The following PIEZO2 variants were observed in gnomAD, a reference collection of about 807,000 sequenced individuals.
PIEZO2 encodes piezo type mechanosensitive ion channel component 2.
PIEZO2 carries 172 observed loss-of-function variants against 337.3 expected under a neutral mutation model. That is an observed-to-expected ratio of 0.51 (90% CI 0.45 to 0.58). PIEZO2 has a LOEUF of 0.58. Among genes scored for constraint, PIEZO2 ranks in the 20% least tolerant of loss-of-function variants. The probability of loss-of-function intolerance (pLI) is 0.00; values close to 1 mark genes in which losing one functional copy is unlikely to be tolerated. For missense variants in PIEZO2, 3,028 were observed against 3,391.3 expected (o/e 0.89, Z 2.66); for synonymous variants, 1,251 against 1,228.5 (o/e 1.02, Z -0.38).
chr18:11,075,170 C>T (rs969652493), intron 1 of PIEZO2, among the ~76,000 whole-genome samples: 1 of 152,166 alleles, frequency 6.6e-6, no homozygotes, highest in Non-Finnish European at 1.5e-5. Context: ...TTCTGTCGGT[C>T]CAGTAATTCT....
intron 7 of PIEZO2, among the ~76,000 whole-genome samples, chr18:10,811,213 G>A (rs1172735884): frequency 2.0e-5 from 3 of 152,050 alleles, no homozygotes; most frequent in Admixed American, 6.6e-5. Context: ...AGTCACCATC[G>A]CCGGGAAATG....
Position 10,847,363 on chromosome 18 carries a change from C to T in PIEZO2, c.917+7990G>A, listed in dbSNP as rs963856129. On this transcript the variant is annotated intron_variant, in intron 7 of 55. Transcript: ENST00000674853. This position sits in a 1 kb window ranked among gnomAD's most constrained non-coding sequence, Gnocchi z 5.7. ...TTCTCCATAAAAACTGAAAGGAAGACCGTGGAGATGCCCTTGGTGGGCAAA... is the reference window on the plus strand; with the variant it reads ...TTCTCCATAAAAACTGAAAGGAAGATCGTGGAGATGCCCTTGGTGGGCAAA... Among the ~76,000 whole-genome samples the T allele has an allele frequency of 6.6e-6, 1 of 152,190 alleles. No individual in the cohort carries two copies. The highest frequency in any genetic ancestry group is 2.4e-5 in the African/African-American group (1 of 41,446).
At chr18:11,012,651 G>T (rs1240352479) in intron 2 of PIEZO2, among the ~76,000 whole-genome samples, 1 of 152,090 alleles carries the variant, frequency 6.6e-6, no homozygotes, top group Non-Finnish European at 1.5e-5. Context: ...CAGAAACTAG[G>T]CAGCCATCCT....
Position 10,817,608 on chromosome 18 carries a change from G to C in PIEZO2, c.918-10334C>G, listed in dbSNP as rs574575722. Among the ~76,000 whole-genome samples, 26 of 152,236 alleles carry C rather than the reference G, an allele frequency of 1.7e-4. No homozygotes were observed. In the East Asian group the frequency reaches 3.7e-3, roughly 21 times the overall value. On this transcript the variant is annotated intron_variant, in intron 7 of 55. Coordinates refer to ENST00000674853, the MANE Select transcript of PIEZO2 (RefSeq NM_001378183.1). ...TGTTTCATGTTTTAAGATTGAACAAGACAGAAACATTCTTCAAAATAGTAG... is the reference window on the plus strand; with the variant it reads ...TGTTTCATGTTTTAAGATTGAACAACACAGAAACATTCTTCAAAATAGTAG...
At chr18:10,769,698 A>G (rs2038516811) in intron 21 of PIEZO2, 1 of 154,340 alleles carries the variant, frequency 6.5e-6, no homozygotes, top group Non-Finnish European at 1.4e-5. Flanking sequence ...GTACAGGTGC[A>G]TGGCTGAAGA....
At position 10,704,333 on chromosome 18, in the gene PIEZO2, G is replaced by C. The variant is rs938206806; in HGVS notation, c.6258+61C>G. Reference sequence around the variant, plus strand: ...CTCAAGAGAGGGCACAGGGACACAAGGTATGCTTCCCCTTGCATAGCCGCC... The same window carrying C: ...CTCAAGAGAGGGCACAGGGACACAACGTATGCTTCCCCTTGCATAGCCGCC... On this transcript the variant is annotated intron_variant, in intron 42 of 55. Transcript: ENST00000674853. The C allele has an allele frequency of 3.3e-6, 5 of 1,512,490 alleles. No homozygotes were observed. In the African/African-American group the frequency reaches 6.9e-5, roughly 21 times the overall value. The allele number at this position is 1,512,490 out of a possible 1,614,324, so 93.7% of individuals were successfully genotyped here.
chr18:10,907,197 C>T (rs1300735721), intron 4 of PIEZO2, among the ~76,000 whole-genome samples: 2 of 152,104 alleles, frequency 1.3e-5, no homozygotes, highest in East Asian at 1.9e-4. Context: ...AATCCCAGCA[C>T]TTAGGGAGGC....
intron 2 of PIEZO2, among the ~76,000 whole-genome samples, chr18:11,058,403 C>G (rs1280188688): frequency 6.6e-6 from 1 of 152,182 alleles, no homozygotes; most frequent in Non-Finnish European, 1.5e-5. Context: ...TCCTCACCAG[C>G]AATGGAACAA....
chr18:11,005,119 G>A (rs1017956975), intron 2 of PIEZO2, among the ~76,000 whole-genome samples: 3 of 152,214 alleles, frequency 2.0e-5, no homozygotes, highest in Non-Finnish European at 4.4e-5. Flanking sequence ...CAGCCAGTGT[G>A]CCAAATTCTG....
At chr18:10,842,736 A>G (rs2041235685) in intron 7 of PIEZO2, among the ~76,000 whole-genome samples, 1 of 152,272 alleles carries the variant, frequency 6.6e-6, no homozygotes, top group Admixed American at 6.5e-5. Context: ...GATTGTGATG[A>G]TGGTTTCAAT....
At chr18:10,949,246 T>C (rs1348840835) in intron 3 of PIEZO2, among the ~76,000 whole-genome samples, 1 of 152,226 alleles carries the variant, frequency 6.6e-6, no homozygotes, top group Non-Finnish European at 1.5e-5. Flanking sequence ...TCTAAATCAA[T>C]ACTAATGCAG....
Position 10,854,714 on chromosome 18 carries a change from T to G in PIEZO2, c.917+639A>C, listed in dbSNP as rs1392376951. The stretch of plus-strand genomic sequence containing the variant: ...TTATGTATTTTCTTATTTATTTGTT[T>G]GTTGGTTTGTTTGCTTTGAGACAGG... On this transcript the variant is annotated intron_variant, in intron 7 of 55. Transcript: ENST00000674853. The surrounding 1 kb of genome is among the most constrained non-coding windows in gnomAD (Gnocchi z 4.6). Among the ~76,000 whole-genome samples, 1 of 152,184 alleles carries G rather than the reference T, an allele frequency of 6.6e-6. No homozygotes were observed. Among genetic ancestry groups the G allele is most frequent in the Admixed American group, 6.5e-5 (1 of 15,270 alleles).
intron 16 of PIEZO2, among the ~76,000 whole-genome samples, chr18:10,785,699 C>T (rs1034825570): frequency 9.9e-5 from 15 of 152,066 alleles, no homozygotes; most frequent in African/African-American, 3.1e-4. Flanking sequence ...CCTAAAGCAC[C>T]TCTTGAATTG....
intron 20 of PIEZO2, among the ~76,000 whole-genome samples, chr18:10,772,785 T>A (rs1340292481): frequency 6.6e-6 from 1 of 152,180 alleles, no homozygotes; most frequent in Non-Finnish European, 1.5e-5. Flanking sequence ...CTGCTCAATG[T>A]TCATCATGCT....
In PIEZO2 at chr18:10,795,061, C is replaced by T. The variant is rs2039530909; in HGVS notation, c.1528-59G>A. The stretch of plus-strand genomic sequence containing the variant: ...TCAATACAATGCTCAGTCCCCCCCG[C>T]CCTGGTAAGGTAAAAACTATCTAAA... On this transcript the variant is annotated intron_variant, in intron 12 of 55. Coordinates refer to ENST00000674853, the MANE Select transcript of PIEZO2 (RefSeq NM_001378183.1). The surrounding 1 kb of genome is among the most constrained non-coding windows in gnomAD (Gnocchi z 4.4). 7.3e-7 allele frequency: 1 copy of T among 1,365,872 alleles called. No homozygotes were observed. Among genetic ancestry groups the T allele is most frequent in the South Asian group, 1.3e-5 (1 of 78,954 alleles). 84.6% of individuals were successfully genotyped at this position (1,365,872 alleles called of 1,614,324 possible). A position where few individuals can be genotyped will look rare whatever the true frequency, so the allele number is the denominator to read the frequency against.
At chr18:10,977,628 T>C (rs997335750) in intron 3 of PIEZO2, among the ~76,000 whole-genome samples, 3 of 152,164 alleles carry the variant, frequency 2.0e-5, no homozygotes, top group African/African-American at 7.2e-5. Context: ...ATAACCAAAG[T>C]ACCCTTATTT....
rs1555663232 is a variant in PIEZO2 at position 10,863,884 on chromosome 18, A to ACC, written c.493-6675_493-6674dup. Among the ~76,000 whole-genome samples the ACC allele has an allele frequency of 9.2e-5, 14 of 152,004 alleles. No homozygotes were observed. In the East Asian group the frequency reaches 2.7e-3, roughly 29 times the overall value. On this transcript the variant is annotated intron_variant, in intron 5 of 55. Transcript: ENST00000674853. This position sits in a 1 kb window ranked among gnomAD's most constrained non-coding sequence, Gnocchi z 4.3. ...CAAATCAGCAGTCACACACACACACACCTATATCATCCACTCAGTTCACAT... is the reference window on the plus strand; with the variant it reads ...CAAATCAGCAGTCACACACACACACACCCCTATATCATCCACTCAGTTCACAT...
At chr18:10,900,381 C>T (rs921215567) in intron 4 of PIEZO2, among the ~76,000 whole-genome samples, 2 of 152,156 alleles carry the variant, frequency 1.3e-5, no homozygotes, top group Admixed American at 6.5e-5. Context: ...CATGTAAAAG[C>T]TTCTTTCCTA....
chr18:10,747,765 A>G (rs2037483052), intron 30 of PIEZO2, among the ~76,000 whole-genome samples: 1 of 152,204 alleles, frequency 6.6e-6, no homozygotes, highest in Non-Finnish European at 1.5e-5. Context: ...AACTGTAGGT[A>G]AACACAGATA....
Sources: gnomAD v4.1 joint callset for allele counts (sites outside exome capture counted in the v4.1 genomes callset) on GRCh38, gnomAD v4.1.1 for gene constraint, Gnocchi (gnomAD v3.1) non-coding constraint, MANE v1.5 for transcripts, NCBI Gene and HGNC (gene_info 2026-07-23, HGNC 2026-07-21) for gene names.